TPD52: variants seen among roughly 807,000 people sequenced by gnomAD.
TPD52 encodes the protein prostate and colon associated protein.
A neutral mutation model predicts 31.3 loss-of-function variants in TPD52; 17 were observed. That is an observed-to-expected ratio of 0.54 (90% CI 0.37 to 0.82). The LOEUF is 0.82. Among genes scored for constraint, TPD52 ranks in the 40% least tolerant of loss-of-function variants. TPD52 has a pLI of 0.00. For missense variants in TPD52, 212 were observed against 240.1 expected (o/e 0.88, Z 0.77); for synonymous variants, 83 against 89.6 (o/e 0.93, Z 0.42).
intron 1 of TPD52, among the ~76,000 whole-genome samples, chr8:80,158,007 G>A (rs1811088552): frequency 1.3e-5 from 2 of 152,078 alleles, no homozygotes; most frequent in African/African-American, 4.8e-5. Flanking sequence ...ACACACAAAT[G>A]CCAAACTACT....
At chr8:80,134,081 C>T (rs1409329318) in intron 1 of TPD52, among the ~76,000 whole-genome samples, 2 of 152,318 alleles carry the variant, frequency 1.3e-5, no homozygotes, top group East Asian at 3.9e-4. Context: ...TCCACGGCCA[C>T]AGCTTAGGAG....
rs1176042391 is a variant in TPD52 at position 80,171,554 on chromosome 8, C to T, written c.-111G>A. 25 of 1,334,154 alleles carry T rather than the reference C, an allele frequency of 1.9e-5. No homozygotes were observed. The highest frequency in any genetic ancestry group is 2.7e-4 in the Middle Eastern group (1 of 3,714). The allele number at this position is 1,334,154 out of a possible 1,614,324, so 82.6% of individuals were successfully genotyped here. On this transcript the variant is annotated 5_prime_UTR_variant, in exon 1 of 8. Coordinates refer to ENST00000518937, the MANE Select transcript of TPD52 (RefSeq NM_001025253.3). Reference sequence around the variant, plus strand: ...CTCCTCCTCGCCTCCGCCGGCGACTCCCGCGAAGTCCCCACCCCCAGAGGC... The same window carrying T: ...CTCCTCCTCGCCTCCGCCGGCGACTTCCGCGAAGTCCCCACCCCCAGAGGC...
chr8:80,072,798 C>CACATATAT (rs977939775), intron 1 of TPD52, among the ~76,000 whole-genome samples: 19 of 141,074 alleles, frequency 1.3e-4, no homozygotes, highest in African/African-American at 5.4e-4. Flanking sequence ...CACACACACA[C>CACATATAT]ATATATATAT....
chr8:80,161,714 A>T (rs774423686), intron 1 of TPD52, among the ~76,000 whole-genome samples: 12 of 131,314 alleles, frequency 9.1e-5, no homozygotes, highest in East Asian at 2.2e-4. Flanking sequence ...GAACACATTT[A>T]TATATATATA....
chr8:80,072,317 A>ATGTATGTGTGTGTGTGTG (rs1554582866), intron 1 of TPD52, among the ~76,000 whole-genome samples: 3 of 121,312 alleles, frequency 2.5e-5, no homozygotes, highest in Non-Finnish European at 5.1e-5. Flanking sequence ...AAAAACATAT[A>ATGTATGTGTGTGTGTGTG]TGTGTGTGTG....
chr8:80,075,611 A>G (rs780996558), intron 1 of TPD52, among the ~76,000 whole-genome samples: 1 of 152,156 alleles, frequency 6.6e-6, no homozygotes, highest in Non-Finnish European at 1.5e-5. Context: ...TCTTCAGTCA[A>G]TTACTTCAGA....
chr8:80,048,180 C>T (rs1489321268), intron 5 of TPD52, among the ~76,000 whole-genome samples: 3 of 152,176 alleles, frequency 2.0e-5, no homozygotes, highest in Non-Finnish European at 4.4e-5. Flanking sequence ...TACCACCACA[C>T]CTCATTCTCA....
At position 80,159,118 on chromosome 8, in the gene TPD52, T is replaced by G. The variant is rs77831579; in HGVS notation, c.19+12307A>C. Among the ~76,000 whole-genome samples, 566 of 152,306 alleles carry G rather than the reference T, an allele frequency of 3.7e-3. 5 individuals carry two copies. Among genetic ancestry groups the G allele is most frequent in the African/African-American group, 0.013 (549 of 41,556 alleles). The stretch of plus-strand genomic sequence containing the variant: ...ACTGAGTTAGCATTTTACAGAAGTA[T>G]CTAATATTCAGTTTCAAAAATCAGT... On this transcript the variant is annotated intron_variant, in intron 1 of 7. Coordinates refer to ENST00000518937, the MANE Select transcript of TPD52 (RefSeq NM_001025253.3).
chr8:80,102,290 A>T (rs976844786), intron 1 of TPD52, among the ~76,000 whole-genome samples: 25 of 152,202 alleles, frequency 1.6e-4, no homozygotes, highest in African/African-American at 5.8e-4. Flanking sequence ...TCATTCACGT[A>T]GCTACTGAGG....
chr8:80,056,828 T>A (rs570663036), intron 2 of TPD52, among the ~76,000 whole-genome samples: 2 of 152,236 alleles, frequency 1.3e-5, no homozygotes, highest in East Asian at 3.9e-4. Flanking sequence ...AGAGCTACCA[T>A]ATGACCCAGC....
intron 5 of TPD52, among the ~76,000 whole-genome samples, chr8:80,047,002 T>C (rs1465546403): frequency 1.3e-5 from 2 of 152,222 alleles, no homozygotes; most frequent in African/African-American, 4.8e-5. Context: ...CTGCTTACTA[T>C]ATACCACGTA....
chr8:80,122,606 C>CA lies in TPD52; in HGVS notation c.19+48818dup, dbSNP rs550803747. Among the ~76,000 whole-genome samples, 4 of 152,102 alleles carry CA rather than the reference C, an allele frequency of 2.6e-5. No homozygotes were observed. In the South Asian group the frequency reaches 6.2e-4, roughly 24 times the overall value. The stretch of plus-strand genomic sequence containing the variant: ...TAGGCAGCCTTGGGAAGAGAAGAGA[C>CA]AAAAAAACACATACAAATACCCAAA... On this transcript the variant is annotated intron_variant, in intron 1 of 7. Transcript: ENST00000518937.
intron 1 of TPD52, among the ~76,000 whole-genome samples, chr8:80,105,051 A>G (rs1807007099): frequency 6.6e-6 from 1 of 152,128 alleles, no homozygotes; most frequent in Non-Finnish European, 1.5e-5. Context: ...AGAGTAAGAT[A>G]CTGTCTCAAA....
chr8:80,051,034 G>T lies in TPD52; in HGVS notation c.386+493C>A, dbSNP rs1265505886. On this transcript the variant is annotated intron_variant, in intron 4 of 7. Coordinates refer to ENST00000518937, the MANE Select transcript of TPD52 (RefSeq NM_001025253.3). ...AAAAAAAGCAACAACTCAAAATCAAGATTTTGGCCTAAGCATGAACATAGT... is the reference window on the plus strand; with the variant it reads ...AAAAAAAGCAACAACTCAAAATCAATATTTTGGCCTAAGCATGAACATAGT... Among the ~76,000 whole-genome samples, 4 of 146,674 alleles carry T rather than the reference G, an allele frequency of 2.7e-5. No homozygotes were observed. The South Asian group carries it at 6.4e-4, about 23-fold the overall frequency.
rs1807046792 is a variant in TPD52, at chr8:80,105,626, AG to A, written c.20-41034del. ...CCTTCCTTCTTTAACTCAGTGTCTGAGGGGTTTTGTCTGCGGCTCGTCCTGC... is the reference window on the plus strand; with the variant it reads ...CCTTCCTTCTTTAACTCAGTGTCTGAGGGTTTTGTCTGCGGCTCGTCCTGC... On this transcript the variant is annotated intron_variant, in intron 1 of 7. Transcript: ENST00000518937. 2.0e-5 allele frequency among the ~76,000 whole-genome samples: 3 copies of A among 151,458 alleles called. No individual in the cohort carries two copies. In the South Asian group the frequency reaches 6.3e-4, roughly 32 times the overall value.
intron 1 of TPD52, among the ~76,000 whole-genome samples, chr8:80,135,035 G>C (rs964773786): frequency 9.2e-5 from 14 of 152,290 alleles, no homozygotes; most frequent in African/African-American, 3.4e-4. Context: ...TCCCTTCCAG[G>C]AGACGTACGC....
At chr8:80,162,369 G>A (rs1811416929) in intron 1 of TPD52, among the ~76,000 whole-genome samples, 1 of 152,140 alleles carries the variant, frequency 6.6e-6, no homozygotes, top group Non-Finnish European at 1.5e-5. Flanking sequence ...AGAACAATGA[G>A]AAGGCAAGAC....
At chr8:80,045,972 T>C (rs1810802540) in intron 5 of TPD52, among the ~76,000 whole-genome samples, 1 of 152,226 alleles carries the variant, frequency 6.6e-6, no homozygotes, top group South Asian at 2.1e-4. Context: ...AATTTGGTAG[T>C]ATCAACAAAA....
chr8:80,127,736 C>A (rs1808713335), intron 1 of TPD52: 1 of 148,818 alleles, frequency 6.7e-6, no homozygotes. Context: ...CAGGAATTAT[C>A]CTATAATCTA....
Sources: allele counts gnomAD v4.1 joint callset (sites outside exome capture counted in the v4.1 genomes callset), GRCh38; gene constraint gnomAD v4.1.1; transcripts MANE v1.5; gene names NCBI Gene and HGNC (gene_info 2026-07-23, HGNC 2026-07-21).